DACH2: variants seen among roughly 807,000 people sequenced by gnomAD.
DACH2 encodes dachshund homolog 2.
A neutral mutation model predicts 35.8 loss-of-function variants in DACH2; 17 were observed. The observed-to-expected ratio is 0.48, with a 90% confidence interval of 0.33 to 0.71. DACH2 has a LOEUF of 0.71. Ranked by LOEUF, DACH2 falls within the 30% of genes least tolerant of loss-of-function variation. The pLI is 0.02. For missense variants in DACH2, 469 were observed against 472.7 expected, an observed-to-expected ratio of 0.99 and a Z score of 0.07; for synonymous variants, 195 against 177.3, an observed-to-expected ratio of 1.10 and a Z score of -0.79.
At chrX:86,325,508 C>T (rs1046224105) in intron 1 of DACH2, among the ~76,000 whole-genome samples, 2 of 112,180 alleles carry the variant, frequency 1.8e-5, no homozygotes, top group Non-Finnish European at 3.8e-5. Flanking sequence ...AAGTTTTGGT[C>T]ATATAAACAA....
chrX:86,456,414 T>A (rs964865599), intron 2 of DACH2, among the ~76,000 whole-genome samples: 4 of 112,013 alleles, frequency 3.6e-5, no homozygotes, highest in African/African-American at 1.3e-4. Context: ...TTAAAACTAA[T>A]CCAAGTCCAT....
chrX:86,257,336 C>G (rs1443532150), intron 1 of DACH2, among the ~76,000 whole-genome samples: 2 of 112,481 alleles, frequency 1.8e-5, no homozygotes, highest in Non-Finnish European at 3.8e-5. Flanking sequence ...GATATTTCCT[C>G]TAAGAAATGG....
At chrX:86,337,491 A>G (rs956222934) in intron 1 of DACH2, among the ~76,000 whole-genome samples, 2 of 112,044 alleles carry the variant, frequency 1.8e-5, no homozygotes, top group African/African-American at 6.5e-5. Flanking sequence ...TTCATAAGTG[A>G]AGGAGAAATA....
intron 2 of DACH2, among the ~76,000 whole-genome samples, chrX:86,381,531 A>G (rs1410503042): frequency 9.0e-6 from 1 of 110,709 alleles, no homozygotes; most frequent in African/African-American, 3.3e-5. Context: ...TGGGGAAAAA[A>G]AGAGTCATAA....
At chrX:86,445,566 C>CCAAAAA (rs759867519) in intron 2 of DACH2, among the ~76,000 whole-genome samples, 1 of 48,102 alleles carries the variant, frequency 2.1e-5, no homozygotes, top group African/African-American at 8.9e-5. Context: ...TCAGAGTGAA[C>CCAAAAA]AAAAAAAAAA....
chrX:86,324,256 G>C (rs1335133424), intron 1 of DACH2, among the ~76,000 whole-genome samples: 2 of 112,006 alleles, frequency 1.8e-5, no homozygotes, highest in Non-Finnish European at 3.8e-5. Flanking sequence ...AGTGGAGCCT[G>C]AATATGTGAC....
intron 3 of DACH2, among the ~76,000 whole-genome samples, chrX:86,635,361 G>A (rs1391028532): frequency 2.8e-5 from 3 of 106,037 alleles, no homozygotes; most frequent in African/African-American, 1.0e-4. Flanking sequence ...CTCAAACTAG[G>A]TATTGAAGGA....
intron 1 of DACH2, chrX:86,161,354 C>A: frequency 9.4e-7 from 1 of 1,063,769 alleles, no homozygotes; most frequent in Non-Finnish European, 1.3e-6. Flanking sequence ...TAATCACGTT[C>A]TTAATGGATA....
intron 3 of DACH2, among the ~76,000 whole-genome samples, chrX:86,541,605 G>A (rs377217278): frequency 2.5e-4 from 28 of 111,439 alleles, no homozygotes; most frequent in East Asian, 2.3e-3. Flanking sequence ...TGATTTTAGT[G>A]TAAGAATTAT....
intron 5 of DACH2, among the ~76,000 whole-genome samples, chrX:86,699,642 C>G (rs970948325): frequency 9.0e-6 from 1 of 111,387 alleles, no homozygotes; most frequent in Non-Finnish European, 1.9e-5. Context: ...GATGGGGAAA[C>G]AGAGCCAAAC....
intron 2 of DACH2, among the ~76,000 whole-genome samples, chrX:86,466,557 T>A (rs1254905159): frequency 9.0e-6 from 1 of 111,515 alleles, no homozygotes; most frequent in East Asian, 2.8e-4. Flanking sequence ...AACCTAGAAG[T>A]CCACAGTCCA....
intron 2 of DACH2, among the ~76,000 whole-genome samples, chrX:86,379,638 T>G (rs2036017957): frequency 9.0e-6 from 1 of 110,579 alleles, no homozygotes; most frequent in Admixed American, 9.7e-5. Context: ...TCGAGAACTT[T>G]AAAAAGAAAA....
chrX:86,603,937 T>C (rs781028542), intron 3 of DACH2, among the ~76,000 whole-genome samples: 3 of 111,309 alleles, frequency 2.7e-5, no homozygotes, highest in Non-Finnish European at 5.7e-5. Context: ...ATTTTTAAAG[T>C]GTTTGGGGAT....
intron 3 of DACH2, among the ~76,000 whole-genome samples, chrX:86,607,186 C>T (rs969262771): frequency 2.7e-5 from 3 of 111,479 alleles, no homozygotes; most frequent in Non-Finnish European, 5.7e-5. Flanking sequence ...TTTCATCCAA[C>T]ATTATTATTG....
chrX:86,496,762 C>A (rs1414138335), intron 2 of DACH2, among the ~76,000 whole-genome samples: 1 of 110,191 alleles, frequency 9.1e-6, no homozygotes, highest in African/African-American at 3.3e-5. Context: ...GCCTCTCAAG[C>A]AGAACCTAAA....
intron 1 of DACH2, chrX:86,345,399 T>C (rs1476784956): frequency 3.4e-6 from 1 of 296,044 alleles, no homozygotes; most frequent in South Asian, 3.3e-5. Context: ...TTAGATTGTG[T>C]TTTTAAATTC....
At chrX:86,753,084 C>G (rs971140888) in intron 7 of DACH2, among the ~76,000 whole-genome samples, 1 of 109,222 alleles carries the variant, frequency 9.2e-6, no homozygotes, top group East Asian at 2.9e-4. Context: ...ACATACACCC[C>G]GACACACACA....
intron 2 of DACH2, among the ~76,000 whole-genome samples, chrX:86,428,092 A>G (rs1020493827): frequency 1.4e-4 from 16 of 112,063 alleles, no homozygotes; most frequent in African/African-American, 5.2e-4. Context: ...AATGGAATTT[A>G]TACTAACTAA....
chrX:86,615,731 T>A (rs1434840628), intron 3 of DACH2, among the ~76,000 whole-genome samples: 3 of 110,832 alleles, frequency 2.7e-5, no homozygotes, highest in Admixed American at 9.6e-5. Flanking sequence ...ACATGGACCT[T>A]ATAGAGTGAC....
Sources: allele counts gnomAD v4.1 joint callset (sites outside exome capture counted in the v4.1 genomes callset), GRCh38; gene constraint gnomAD v4.1.1; transcripts MANE v1.5; gene names NCBI Gene and HGNC (gene_info 2026-07-23, HGNC 2026-07-21).